PACS2: variants seen among roughly 807,000 people sequenced by gnomAD.
The protein encoded by PACS2 is phosphofurin acidic cluster sorting protein 2.
A neutral mutation model predicts 113.0 loss-of-function variants in PACS2; 36 were observed. That is an observed-to-expected ratio of 0.32 (90% CI 0.24 to 0.42). The LOEUF (loss-of-function observed/expected upper bound fraction) is 0.42, where lower values mean the gene tolerates loss of function less well. PACS2 is among the 10% of genes least tolerant of loss of function. The probability of loss-of-function intolerance (pLI) is 1.00; values close to 1 mark genes in which losing one functional copy is unlikely to be tolerated. For missense variants in PACS2, 1,015 were observed against 1,239.5 expected, an observed-to-expected ratio of 0.82 and a Z score of 2.72; for synonymous variants, 589 against 536.1, an observed-to-expected ratio of 1.10 and a Z score of -1.36.
intron 1 of PACS2, among the ~76,000 whole-genome samples, chr14:105,334,631 G>A (rs2059439280): frequency 6.6e-6 from 1 of 151,658 alleles, no homozygotes; most frequent in Admixed American, 6.6e-5. Context: ...CTCCACCTGA[G>A]GGTCCAGTGT....
chr14:105,379,907 G>A (rs2080920544), intron 10 of PACS2, 78 bp downstream of exon 10: 2 of 1,460,702 alleles, frequency 1.4e-6, no homozygotes, highest in Non-Finnish European at 9.5e-7. Flanking sequence ...CTCCCAGCAT[G>A]TCCTGGGCCC....
Position 105,354,434 on chromosome 14 carries a change from C to T in PACS2, c.298-618C>T, listed in dbSNP as rs1343854449. On this transcript the variant is annotated intron_variant, in intron 3 of 24. Transcript: ENST00000447393. This position sits in a 1 kb window ranked among gnomAD's most constrained non-coding sequence, Gnocchi z 4.2. ...CCATGGTTCAGTGGGTTTTGATAGG[C>T]ATGCTCAGGCATGTCAGCACCACCG... is the stretch of plus-strand genomic sequence containing the variant. 6.6e-6 allele frequency among the ~76,000 whole-genome samples: 1 copy of T among 152,184 alleles called. No homozygotes were observed. The highest frequency in any genetic ancestry group is 1.9e-4 in the East Asian group (1 of 5,184).
At position 105,355,875 on chromosome 14, in the gene PACS2, G is replaced by C. The variant is rs1253504598; in HGVS notation, c.423+698G>C. ...CTTTCGGGGCTGCAAGATTGGCTCTGGGAGAAGGGGCAGCCCAGGGCCCCA... is the reference window on the plus strand; with the variant it reads ...CTTTCGGGGCTGCAAGATTGGCTCTCGGAGAAGGGGCAGCCCAGGGCCCCA... On this transcript the variant is annotated intron_variant, in intron 4 of 24. Coordinates refer to ENST00000447393, the MANE Select transcript of PACS2 (RefSeq NM_001100913.3). The surrounding 1 kb of genome is among the most constrained non-coding windows in gnomAD (Gnocchi z 4.1). Among the ~76,000 whole-genome samples the C allele has an allele frequency of 1.3e-5, 2 of 152,162 alleles. No individual in the cohort carries two copies. The highest frequency in any genetic ancestry group is 1.3e-4 in the Admixed American group (2 of 15,288).
chr14:105,347,589 G>T (rs1555402951), intron 1 of PACS2, among the ~76,000 whole-genome samples: 1 of 152,228 alleles, frequency 6.6e-6, no homozygotes. Context: ...CTCAGAACTT[G>T]TTGGTCTTAG....
chr14:105,361,551 C>T (rs587751941), intron 4 of PACS2, among the ~76,000 whole-genome samples: 13 of 152,322 alleles, frequency 8.5e-5, no homozygotes, highest in South Asian at 2.1e-4. Context: ...ACAGAAGAAT[C>T]GGTTGAACCT....
At chr14:105,332,782 C>T (rs1250608859) in intron 1 of PACS2, among the ~76,000 whole-genome samples, 2 of 152,202 alleles carry the variant, frequency 1.3e-5, no homozygotes, top group Non-Finnish European at 2.9e-5. Context: ...TCTCCTGCCC[C>T]CAGGGGCCAG....
Position 105,394,680 on chromosome 14 carries a change from C to T in PACS2, c.*8C>T, listed in dbSNP as rs2081485513. On this transcript the variant is annotated 3_prime_UTR_variant, in exon 25 of 25. Coordinates refer to ENST00000447393, the MANE Select transcript of PACS2 (RefSeq NM_001100913.3). Reference sequence around the variant, plus strand: ...TCCAAGGCCACCTTCTAGCCCCACCCACCAGGGGGCCCACCTCCTGCCCCA... The same window carrying T: ...TCCAAGGCCACCTTCTAGCCCCACCTACCAGGGGGCCCACCTCCTGCCCCA... 5.1e-6 allele frequency: 8 copies of T among 1,566,416 alleles called. No homozygotes were observed. The highest frequency in any genetic ancestry group is 2.2e-5 in the South Asian group (2 of 90,228).
At chr14:105,368,789 G>T (rs782061496) in intron 7 of PACS2, among the ~76,000 whole-genome samples, 5 of 152,244 alleles carry the variant, frequency 3.3e-5, no homozygotes, top group Non-Finnish European at 7.3e-5. Flanking sequence ...AGGCTGGGAG[G>T]CTGCCTCGCT....
At chr14:105,374,626 TA>T (rs1218212078) in intron 8 of PACS2, 1 of 152,210 alleles carries the variant, frequency 6.6e-6, no homozygotes, top group Non-Finnish European at 1.5e-5. Context: ...CCACGGCTTT[TA>T]AAGACACCGG....
chr14:105,323,339 C>T lies in PACS2; in HGVS notation c.119+8302C>T, dbSNP rs148536888. ...TGCACTGGGTGGTGTCAGTGGGCGG[C>T]GGCTGGCTGGGGCAGTAGCCTGTCT... On this transcript the variant is annotated intron_variant, in intron 1 of 24. Transcript: ENST00000447393. This position sits in a 1 kb window ranked among gnomAD's most constrained non-coding sequence, Gnocchi z 4.1. Among the ~76,000 whole-genome samples the T allele has an allele frequency of 1.3e-3, 198 of 152,342 alleles. No individual in the cohort carries two copies. The highest frequency in any genetic ancestry group is 2.2e-3 in the Non-Finnish European group (152 of 68,024).
In PACS2 at chr14:105,314,782, C is replaced by T. The variant is rs2058490347; in HGVS notation, c.-137C>T. The T allele has an allele frequency of 1.5e-5, 3 of 197,942 alleles. No individual in the cohort carries two copies. Among genetic ancestry groups the T allele is most frequent in the Admixed American group, 1.4e-4 (2 of 14,708 alleles). 12.3% of individuals were successfully genotyped at this position (197,942 alleles called of 1,614,324 possible). ...CGCCGCCCGCGGGCCTGTCCGACGC[C>T]GGGGCCCGGCCCGTCCCCTCCGCCG... On this transcript the variant is annotated 5_prime_UTR_variant, in exon 1 of 25. Transcript: ENST00000447393.
intron 1 of PACS2, among the ~76,000 whole-genome samples, chr14:105,302,031 C>T (rs587762984): frequency 1.3e-5 from 2 of 151,826 alleles, no homozygotes; most frequent in African/African-American, 4.8e-5. Flanking sequence ...CCCAGCTACT[C>T]GCGAGTCTGA....
At chr14:105,338,838 G>A (rs887556865) in intron 1 of PACS2, among the ~76,000 whole-genome samples, 9 of 152,152 alleles carry the variant, frequency 5.9e-5, no homozygotes, top group African/African-American at 1.9e-4. Context: ...GAATTCCCTG[G>A]CTTCATTGTG....
intron 1 of PACS2, among the ~76,000 whole-genome samples, chr14:105,318,334 G>A (rs2058748243): frequency 6.6e-6 from 1 of 152,154 alleles, no homozygotes; most frequent in Non-Finnish European, 1.5e-5. Context: ...AGACTGGGGT[G>A]CAGTGGCTTG....
At chr14:105,313,988 T>A (rs1478946570), upstream of PACS2, among the ~76,000 whole-genome samples, 1 of 152,254 alleles carries the variant, frequency 6.6e-6, no homozygotes, top group Non-Finnish European at 1.5e-5. Context: ...TTGTTCTCCA[T>A]TGTCCTGAGC....
rs781826931 is a variant in PACS2, at chr14:105,376,825, G to C, written c.859G>C (p.Asp287His). 64 of 1,613,156 alleles carry C rather than the reference G, an allele frequency of 4.0e-5. No homozygotes were observed. Among genetic ancestry groups the C allele is most frequent in the Non-Finnish European group, 5.0e-5 (59 of 1,179,894 alleles). Residue 287 changes from aspartate to histidine, a missense_variant, in exon 9 of 25, where the codon GAC becomes CAC. By Grantham distance (81) the Asp-to-His change is moderately conservative. Around this residue, in one of 3 missense-constraint regions of PACS2, gnomAD observed 859 missense variants for 1,056.8 expected, o/e 0.81. Coordinates refer to ENST00000447393, the MANE Select transcript of PACS2 (RefSeq NM_001100913.3). This position sits in a 1 kb window ranked among gnomAD's most constrained non-coding sequence, Gnocchi z 4.7. ...EHIPEAEEDLDLLYDTLDMEH... is the reference protein window; with the variant it reads ...EHIPEAEEDLHLLYDTLDMEH... ...CATCCCCGAGGCAGAGGAGGACCTG[G>C]ACCTCCTGTATGACACCCTGGACAT...
chr14:105,368,777 C>T (rs1347362410), intron 7 of PACS2, among the ~76,000 whole-genome samples: 3 of 152,228 alleles, frequency 2.0e-5, no homozygotes, highest in Non-Finnish European at 4.4e-5. Context: ...GGGCCCTGAG[C>T]AAGGCTGGGA....
At position 105,355,855 on chromosome 14, in the gene PACS2, G is replaced by A. The variant is rs781966697; in HGVS notation, c.423+678G>A. Reference sequence around the variant, plus strand: ...CTCGGACTTTCTCATGGACCCTTTCGGGGCTGCAAGATTGGCTCTGGGAGA... The same window carrying A: ...CTCGGACTTTCTCATGGACCCTTTCAGGGCTGCAAGATTGGCTCTGGGAGA... On this transcript the variant is annotated intron_variant, in intron 4 of 24. Coordinates refer to ENST00000447393, the MANE Select transcript of PACS2 (RefSeq NM_001100913.3). The surrounding 1 kb of genome is among the most constrained non-coding windows in gnomAD (Gnocchi z 4.1). 1.3e-5 allele frequency among the ~76,000 whole-genome samples: 2 copies of A among 152,160 alleles called. No individual in the cohort carries two copies. Among genetic ancestry groups the A allele is most frequent in the African/African-American group, 2.4e-5 (1 of 41,440 alleles).
rs117959436 is a variant in PACS2, at chr14:105,320,772, G to C, written c.119+5735G>C. 1.6e-3 allele frequency among the ~76,000 whole-genome samples: 245 copies of C among 152,358 alleles called. 4 individuals are homozygous for C. In the East Asian group the frequency reaches 0.039, roughly 24 times the overall value. On this transcript the variant is annotated intron_variant, in intron 1 of 24. Transcript: ENST00000447393. The stretch of plus-strand genomic sequence containing the variant: ...AAGATTTCCTTGTGAAATGAAATGA[G>C]TACTGCCTCTTTTGCTGTATCGTGG...
Sources: gnomAD v4.1 joint callset for allele counts (sites outside exome capture counted in the v4.1 genomes callset) on GRCh38, gnomAD v4.1.1 for gene constraint, gnomAD v4.1.1 regional missense constraint, Gnocchi (gnomAD v3.1) non-coding constraint, MANE v1.5 for transcripts, NCBI Gene and HGNC (gene_info 2026-07-23, HGNC 2026-07-21) for gene names.